The following RNF220 variants were observed in gnomAD, a reference collection of about 807,000 sequenced individuals.
RNF220 encodes ring finger protein 220.
RNF220 carries 7 observed loss-of-function variants against 67.1 expected under a neutral mutation model. The ratio of observed to expected loss-of-function variants is 0.10; its 90% CI spans 0.06 to 0.20. The LOEUF (loss-of-function observed/expected upper bound fraction) is 0.20, where lower values mean the gene tolerates loss of function less well. Ranked by LOEUF, RNF220 falls within the 10% of genes least tolerant of loss-of-function variation. RNF220 has a pLI of 1.00. For synonymous variants in RNF220, 270 were observed against 283.2 expected (o/e 0.95, Z 0.47); for missense variants, 565 against 740.3 (o/e 0.76, Z 2.75).
intron 2 of RNF220, among the ~76,000 whole-genome samples, chr1:44,507,275 A>G (rs998279969): frequency 3.9e-5 from 6 of 152,092 alleles, no homozygotes; most frequent in African/African-American, 1.4e-4. Context: ...CCTTGGCTAC[A>G]ATGGAGGGGA....
chr1:44,627,881 C>T (rs1476244928), intron 5 of RNF220, among the ~76,000 whole-genome samples: 1 of 152,234 alleles, frequency 6.6e-6, no homozygotes, highest in Non-Finnish European at 1.5e-5. Context: ...CCTGGCCTGG[C>T]ACAGGGTGCA....
intron 2 of RNF220, among the ~76,000 whole-genome samples, chr1:44,543,194 T>A (rs1438060463): frequency 5.3e-5 from 8 of 151,632 alleles, no homozygotes; most frequent in Non-Finnish European, 1.0e-4. Flanking sequence ...TGCAGAGACC[T>A]CCCCGTCAGA....
At chr1:44,566,993 G>A (rs898978970) in intron 2 of RNF220, among the ~76,000 whole-genome samples, 2 of 152,344 alleles carry the variant, frequency 1.3e-5, no homozygotes, top group Non-Finnish European at 2.9e-5. Context: ...TCCTGCTAAG[G>A]TTCTTGTGTC....
In RNF220 at chr1:44,544,567, C is replaced by T. The variant is rs185332239; in HGVS notation, c.626-69598C>T. Among the ~76,000 whole-genome samples, 8 of 152,350 alleles carry T rather than the reference C, an allele frequency of 5.3e-5. No individual in the cohort carries two copies. The East Asian group carries it at 1.2e-3, about 22-fold the overall frequency. ...TAGCCAACCTTTTCCTCCCTGTTGC[C>T]CTGTGTTTTAAGATTGACTGAGGGC... On this transcript the variant is annotated intron_variant, in intron 2 of 14. Transcript: ENST00000361799.
At position 44,650,825 on chromosome 1, in the gene RNF220, G is replaced by C. The variant is rs746078705; in HGVS notation, c.*50G>C. 3 of 1,554,076 alleles carry C rather than the reference G, an allele frequency of 1.9e-6. No homozygotes were observed. The East Asian group carries it at 6.7e-5, about 35-fold the overall frequency. On this transcript the variant is annotated 3_prime_UTR_variant, in exon 15 of 15. Coordinates refer to ENST00000361799, the MANE Select transcript of RNF220 (RefSeq NM_018150.4). The surrounding 1 kb of genome is among the most constrained non-coding windows in gnomAD (Gnocchi z 4.3). ...CCTCCAGCAGCCCCACCTGCCCCCA[G>C]CCTCTGTGACAGTGACCGTCTCCCT...
intron 3 of RNF220, among the ~76,000 whole-genome samples, chr1:44,617,245 G>A (rs974099222): frequency 6.6e-6 from 1 of 152,168 alleles, no homozygotes; most frequent in African/African-American, 2.4e-5. Flanking sequence ...ACGGGTCGAT[G>A]GTTTTATCTG....
rs544940155 is a variant in RNF220, at chr1:44,602,847, G to A, written c.626-11318G>A. The stretch of plus-strand genomic sequence containing the variant: ...TAATGGGCTATTAATTTGCTCAATC[G>A]TCCCCTGTGAGGCAAACTCAATTTC... On this transcript the variant is annotated intron_variant, in intron 2 of 14. Transcript: ENST00000361799. Among the ~76,000 whole-genome samples, 12 of 152,014 alleles carry A rather than the reference G, an allele frequency of 7.9e-5. No individual in the cohort carries two copies. The East Asian group carries it at 1.6e-3, about 20-fold the overall frequency.
chr1:44,481,127 A>G (rs865989039), intron 2 of RNF220, among the ~76,000 whole-genome samples: 1 of 152,132 alleles, frequency 6.6e-6, no homozygotes, highest in African/African-American at 2.4e-5. Flanking sequence ...GTCTGGGGAT[A>G]AAGAAGAGCA....
intron 2 of RNF220, among the ~76,000 whole-genome samples, chr1:44,545,161 GT>G (rs1662022658): frequency 6.6e-6 from 1 of 152,212 alleles, no homozygotes; most frequent in Non-Finnish European, 1.5e-5. Flanking sequence ...TGCTCTTCCT[GT>G]TGGATTCAAA....
Position 44,412,860 on chromosome 1 carries a change from T to C in RNF220, c.625+138T>C, listed in dbSNP as rs186630593. 4.1e-6 allele frequency: 4 copies of C among 972,932 alleles called. No individual in the cohort carries two copies. Among genetic ancestry groups the C allele is most frequent in the East Asian group, 4.8e-5 (2 of 41,336 alleles). The allele number at this position is 972,932 out of a possible 1,614,324, so 60.3% of individuals were successfully genotyped here. The stretch of plus-strand genomic sequence containing the variant: ...TTCCCTTTCACTAGCTGTGGAGTGC[T>C]AACCTTTGCTTGTCTCTTATCAGTG... On this transcript the variant is annotated intron_variant, in intron 2 of 14. Transcript: ENST00000361799. The surrounding 1 kb of genome is among the most constrained non-coding windows in gnomAD (Gnocchi z 5.3).
intron 2 of RNF220, among the ~76,000 whole-genome samples, chr1:44,603,468 G>C (rs6683672): frequency 0.49 from 73,938 of 152,196 alleles, 18,886 homozygotes; most frequent in Middle Eastern, 0.61. Context: ...CCAAGTCTGG[G>C]CCCAGACCCA....
At chr1:44,423,672 A>G (rs1193630929) in intron 2 of RNF220, among the ~76,000 whole-genome samples, 1 of 152,134 alleles carries the variant, frequency 6.6e-6, no homozygotes, top group Non-Finnish European at 1.5e-5. Context: ...TTTTTACTAA[A>G]GTTCAGGCTT....
intron 2 of RNF220, among the ~76,000 whole-genome samples, chr1:44,585,876 G>T (rs1665658743): frequency 6.6e-6 from 1 of 152,120 alleles, no homozygotes; most frequent in Non-Finnish European, 1.5e-5. Context: ...CTCTGGCTAT[G>T]TTTGGTTTAG....
At chr1:44,616,734 C>A (rs66988384) in intron 3 of RNF220, among the ~76,000 whole-genome samples, 41,488 of 151,998 alleles carry the variant, frequency 0.27, 5,839 homozygotes, top group South Asian at 0.42. Flanking sequence ...ACTTCTCCTA[C>A]CAGGGTCAGA....
intron 2 of RNF220, among the ~76,000 whole-genome samples, chr1:44,493,478 C>T (rs1657044124): frequency 6.6e-6 from 1 of 152,208 alleles, no homozygotes; most frequent in Non-Finnish European, 1.5e-5. Flanking sequence ...CGTGCCATTG[C>T]ACTCTAGCCT....
intron 2 of RNF220, among the ~76,000 whole-genome samples, chr1:44,420,878 T>C (rs1282718771): frequency 1.3e-5 from 2 of 152,226 alleles, no homozygotes; most frequent in Non-Finnish European, 2.9e-5. Flanking sequence ...GTTACTGTTG[T>C]TATTTCAAGG....
chr1:44,612,430 T>G (rs1417688033), intron 2 of RNF220, among the ~76,000 whole-genome samples: 4 of 152,204 alleles, frequency 2.6e-5, no homozygotes, highest in Non-Finnish European at 4.4e-5. Context: ...AAATTTCACT[T>G]CTTTGGTTAA....
At chr1:44,425,617 T>A (rs1043019370) in intron 2 of RNF220, among the ~76,000 whole-genome samples, 4 of 152,184 alleles carry the variant, frequency 2.6e-5, no homozygotes, top group African/African-American at 7.2e-5. Context: ...GGGCCTGTCA[T>A]TTACTAGCCG....
intron 2 of RNF220, among the ~76,000 whole-genome samples, chr1:44,506,481 C>G (rs1658437121): frequency 6.6e-6 from 1 of 152,262 alleles, no homozygotes; most frequent in South Asian, 2.1e-4. Context: ...GTGAGGGCCT[C>G]TCCACTCGGG....
Sources: allele counts gnomAD v4.1 joint callset (sites outside exome capture counted in the v4.1 genomes callset), GRCh38; gene constraint gnomAD v4.1.1; non-coding constraint Gnocchi (gnomAD v3.1); transcripts MANE v1.5; gene names NCBI Gene and HGNC (gene_info 2026-07-23, HGNC 2026-07-21).